Variants in CCDC91 observed in about 807,000 individuals in gnomAD.
CCDC91 encodes coiled-coil domain containing 91, also known as coiled-coil domain-containing protein 91.
In CCDC91, 48 loss-of-function variants were observed where a neutral mutation model predicts 63.2. The observed-to-expected ratio is 0.76, with a 90% CI of 0.60 to 0.97. CCDC91 has a LOEUF of 0.97. Ranked by LOEUF, CCDC91 falls within the 50% of genes least tolerant of loss-of-function variation. CCDC91 has a pLI of 0.00. For missense variants in CCDC91, 500 were observed against 494.6 expected, an observed-to-expected ratio of 1.01 and a Z score of -0.10; for synonymous variants, 167 against 165.8, an observed-to-expected ratio of 1.01 and a Z score of -0.06.
intron 7 of CCDC91, among the ~76,000 whole-genome samples, chr12:28,366,929 A>G (rs1944313606): frequency 1.3e-5 from 2 of 152,100 alleles, no homozygotes; most frequent in African/African-American, 2.4e-5. Context: ...GCTGAGTGCT[A>G]GTAGAGGCTG....
chr12:28,368,358 A>G (rs1431377208), intron 7 of CCDC91, among the ~76,000 whole-genome samples: 1 of 152,170 alleles, frequency 6.6e-6, no homozygotes, highest in Non-Finnish European at 1.5e-5. Flanking sequence ...ATTCTTTTAA[A>G]ATTACTGAGG....
chr12:28,423,558 T>G (rs1290321239), intron 8 of CCDC91, among the ~76,000 whole-genome samples: 2 of 152,088 alleles, frequency 1.3e-5, no homozygotes, highest in African/African-American at 2.4e-5. Flanking sequence ...GAAGCATATT[T>G]TCACATTTGT....
At chr12:28,245,170 G>A (rs1262901931) in intron 1 of CCDC91, among the ~76,000 whole-genome samples, 1 of 152,064 alleles carries the variant, frequency 6.6e-6, no homozygotes. Flanking sequence ...CTTTTCTGCT[G>A]AAATAATCTT....
intron 1 of CCDC91, among the ~76,000 whole-genome samples, chr12:28,220,522 A>C (rs970341761): frequency 6.6e-6 from 1 of 151,886 alleles, no homozygotes; most frequent in African/African-American, 2.4e-5. Context: ...CCTGTTTGCT[A>C]TTTCTGGGAC....
At chr12:28,312,509 A>C (rs749494666) in intron 6 of CCDC91, among the ~76,000 whole-genome samples, 1 of 152,084 alleles carries the variant, frequency 6.6e-6, no homozygotes, top group Non-Finnish European at 1.5e-5. Flanking sequence ...CTTTCAAACT[A>C]ACACAAAGTC....
At chr12:28,190,685 G>C (rs1425757325) in intron 1 of CCDC91, 44 bp downstream of exon 1, 1 of 152,302 alleles carries the variant, frequency 6.6e-6, no homozygotes, top group Non-Finnish European at 1.5e-5. Flanking sequence ...TTGGGGTCGG[G>C]GCCGCGCGAG....
chr12:28,208,874 C>T (rs1018542884), intron 1 of CCDC91, among the ~76,000 whole-genome samples: 1 of 152,100 alleles, frequency 6.6e-6, no homozygotes, highest in African/African-American at 2.4e-5. Context: ...GATCTTGGCT[C>T]ACTGCAAGCT....
intron 3 of CCDC91, among the ~76,000 whole-genome samples, chr12:28,280,170 A>G (rs1298497944): frequency 1.3e-5 from 2 of 152,154 alleles, no homozygotes; most frequent in Non-Finnish European, 2.9e-5. Flanking sequence ...TATTTGATCT[A>G]TTTAAACTAG....
At chr12:28,441,561 TAC>T (rs1459328792) in intron 8 of CCDC91, among the ~76,000 whole-genome samples, 1 of 151,204 alleles carries the variant, frequency 6.6e-6, no homozygotes, top group Non-Finnish European at 1.5e-5. Flanking sequence ...GGATGAGTAT[TAC>T]AGATTTTTTG....
intron 1 of CCDC91, among the ~76,000 whole-genome samples, chr12:28,218,691 G>A (rs1943726706): frequency 6.9e-6 from 1 of 145,912 alleles, no homozygotes; most frequent in African/African-American, 2.6e-5. Context: ...AAGGAACATT[G>A]CAGATGTTTG....
At chr12:28,419,182 C>G (rs1646576051) in intron 8 of CCDC91, among the ~76,000 whole-genome samples, 1 of 152,108 alleles carries the variant, frequency 6.6e-6, no homozygotes, top group Admixed American at 6.6e-5. Context: ...AAGCCAAACT[C>G]TAGTACTAGG....
intron 8 of CCDC91, among the ~76,000 whole-genome samples, chr12:28,416,305 TA>T (rs1324577632): frequency 6.6e-6 from 1 of 152,156 alleles, no homozygotes; most frequent in Non-Finnish European, 1.5e-5. Flanking sequence ...GTACTTTTCT[TA>T]AACCAATTCT....
intron 11 of CCDC91, among the ~76,000 whole-genome samples, chr12:28,459,860 T>A (rs1436079385): frequency 6.6e-6 from 1 of 152,170 alleles, no homozygotes; most frequent in Non-Finnish European, 1.5e-5. Flanking sequence ...AAAAGACACA[T>A]TTCCAAATCA....
intron 7 of CCDC91, among the ~76,000 whole-genome samples, chr12:28,377,738 T>C (rs1353806682): frequency 6.6e-6 from 1 of 151,988 alleles, no homozygotes; most frequent in Non-Finnish European, 1.5e-5. Flanking sequence ...TCATTATAAG[T>C]ACCTATACAT....
chr12:28,517,551 C>A (rs1940087562), intron 12 of CCDC91, among the ~76,000 whole-genome samples: 1 of 151,922 alleles, frequency 6.6e-6, no homozygotes, highest in Non-Finnish European at 1.5e-5. Flanking sequence ...TATTCCATGG[C>A]ACATATTCAC....
chr12:28,455,237 A>G (rs1382941207), intron 11 of CCDC91, among the ~76,000 whole-genome samples: 9 of 152,122 alleles, frequency 5.9e-5, no homozygotes, highest in African/African-American at 1.9e-4. Flanking sequence ...AAATAAGTTT[A>G]TAGATATCAT....
At chr12:28,339,622 A>G (rs1376363490) in intron 6 of CCDC91, among the ~76,000 whole-genome samples, 1 of 152,210 alleles carries the variant, frequency 6.6e-6, no homozygotes, top group Non-Finnish European at 1.5e-5. Context: ...TGATATATAA[A>G]GTATGCAGAA....
chr12:28,236,654 C>G (rs1256757463), intron 1 of CCDC91: 2 of 151,872 alleles, frequency 1.3e-5, no homozygotes, highest in African/African-American at 4.8e-5. Flanking sequence ...ACTTTTTAGT[C>G]GCTAGACTAT....
At chr12:28,234,052 A>G (rs1301872270) in intron 1 of CCDC91, among the ~76,000 whole-genome samples, 8 of 152,116 alleles carry the variant, frequency 5.3e-5, no homozygotes, top group Admixed American at 4.6e-4. Flanking sequence ...TGGAAACTTC[A>G]TCATTATTTC....
Sources: allele counts gnomAD v4.1 joint callset (sites outside exome capture counted in the v4.1 genomes callset), GRCh38; gene constraint gnomAD v4.1.1; transcripts MANE v1.5; gene names NCBI Gene and HGNC (gene_info 2026-07-23, HGNC 2026-07-21).